The following PTPRG variants were observed in gnomAD, a reference collection of about 807,000 sequenced individuals.
PTPRG encodes the protein receptor-type tyrosine-protein phosphatase gamma.
PTPRG carries 102 observed loss-of-function variants against 165.3 expected under a neutral mutation model. That is an observed-to-expected ratio of 0.62 (90% CI 0.53 to 0.73). The LOEUF (loss-of-function observed/expected upper bound fraction) is 0.73. PTPRG is among the 30% of genes least tolerant of loss of function. PTPRG has a pLI of 0.00. For synonymous variants in PTPRG, 675 were observed against 669.5 expected, an observed-to-expected ratio of 1.01 and a Z score of -0.13; for missense variants, 1,866 against 1,861.4, an observed-to-expected ratio of 1.00 and a Z score of -0.05.
chr3:61,956,240 C>T (rs929873560), intron 2 of PTPRG, among the ~76,000 whole-genome samples: 6 of 151,770 alleles, frequency 4.0e-5, no homozygotes, highest in African/African-American at 1.5e-4. Flanking sequence ...ATATGTATGT[C>T]CCCATAACAG....
At chr3:62,034,619 G>C (rs1425571659) in intron 4 of PTPRG, among the ~76,000 whole-genome samples, 3 of 152,190 alleles carry the variant, frequency 2.0e-5, no homozygotes, top group Non-Finnish European at 2.9e-5. Context: ...ATTCTTACCA[G>C]CTGGTATACA....
intron 2 of PTPRG, among the ~76,000 whole-genome samples, chr3:61,940,978 G>T (rs1471930235): frequency 6.6e-6 from 1 of 152,118 alleles, no homozygotes; most frequent in Non-Finnish European, 1.5e-5. Context: ...TGGTCTGGTG[G>T]AAGGAGTTCT....
At chr3:61,637,935 C>T (rs1464430472) in intron 1 of PTPRG, among the ~76,000 whole-genome samples, 4 of 142,076 alleles carry the variant, frequency 2.8e-5, no homozygotes, top group South Asian at 2.2e-4. Flanking sequence ...GACTGGATCT[C>T]GTTAAGAGAA....
chr3:61,613,408 A>G (rs1224422789), intron 1 of PTPRG, among the ~76,000 whole-genome samples: 1 of 152,344 alleles, frequency 6.6e-6, no homozygotes, highest in East Asian at 1.9e-4. Context: ...TTTGAAGATG[A>G]ATTTCTCAGC....
At chr3:61,663,318 A>T (rs1340087706) in intron 1 of PTPRG, among the ~76,000 whole-genome samples, 2 of 152,338 alleles carry the variant, frequency 1.3e-5, no homozygotes, top group East Asian at 3.9e-4. Context: ...GTGTCACAGA[A>T]CGTGGAAGGT....
rs115370155 is a variant in PTPRG, at chr3:61,911,158, C to T, written c.191-78467C>T. ...AACCTCTATTTCCTTCTTTCAAACC[C>T]TTTCAATACTTATGAACTGATACTT... On this transcript the variant is annotated intron_variant, in intron 2 of 29. Coordinates refer to ENST00000474889, the MANE Select transcript of PTPRG (RefSeq NM_002841.4). Among the ~76,000 whole-genome samples the T allele has an allele frequency of 6.4e-3, 976 of 152,292 alleles. 8 individuals carry two copies. Among genetic ancestry groups the T allele is most frequent in the African/African-American group, 0.022 (918 of 41,558 alleles).
intron 7 of PTPRG, among the ~76,000 whole-genome samples, chr3:62,166,601 G>A (rs928059778): frequency 9.2e-5 from 14 of 152,120 alleles, no homozygotes; most frequent in Admixed American, 7.2e-4. Context: ...CTCCCAAAGC[G>A]GTGGGATTTC....
In PTPRG at chr3:61,562,583, G is replaced by A. The variant is rs371076875; in HGVS notation, c.85+211G>A. Among the ~76,000 whole-genome samples the A allele has an allele frequency of 9.2e-5, 14 of 152,132 alleles. 1 individual carries two copies. The highest frequency in any genetic ancestry group is 1.9e-4 in the African/African-American group (8 of 41,550). Reference sequence around the variant, plus strand: ...AGTGGTCGAGGAAGGTGGAGGCAGGGGCTGGCCGGGGAGGGGGCTGGGGGA... The same window carrying A: ...AGTGGTCGAGGAAGGTGGAGGCAGGAGCTGGCCGGGGAGGGGGCTGGGGGA... On this transcript the variant is annotated intron_variant, in intron 1 of 29. Transcript: ENST00000474889.
intron 2 of PTPRG, among the ~76,000 whole-genome samples, chr3:61,940,662 T>C (rs2039599523): frequency 1.1e-5 from 1 of 90,748 alleles, no homozygotes; most frequent in Non-Finnish European, 2.4e-5. Flanking sequence ...TATTTATTTA[T>C]TTATTTATTT....
intron 1 of PTPRG, among the ~76,000 whole-genome samples, chr3:61,569,121 A>G (rs1261776616): frequency 3.3e-5 from 5 of 152,168 alleles, no homozygotes; most frequent in African/African-American, 4.8e-5. Context: ...GAGAGTTGCC[A>G]TACTATTTTG....
intron 1 of PTPRG, among the ~76,000 whole-genome samples, chr3:61,732,123 T>C (rs1286090142): frequency 6.6e-6 from 1 of 152,170 alleles, no homozygotes; most frequent in Non-Finnish European, 1.5e-5. Flanking sequence ...ACTTTTAAAT[T>C]TTGTAGCAGC....
intron 3 of PTPRG, 53 bp downstream of exon 3, chr3:61,989,857 T>C: frequency 1.3e-6 from 2 of 1,584,136 alleles, no homozygotes; most frequent in Admixed American, 1.7e-5. Context: ...TATTTTTGGA[T>C]GTCTCTGGTG....
At chr3:61,907,322 A>T (rs1453921140) in intron 2 of PTPRG, among the ~76,000 whole-genome samples, 2 of 152,198 alleles carry the variant, frequency 1.3e-5, no homozygotes, top group Non-Finnish European at 2.9e-5. Context: ...ATCCAAAGGC[A>T]CATGGTCTCT....
At chr3:61,667,540 C>T (rs151062244) in intron 1 of PTPRG, among the ~76,000 whole-genome samples, 5 of 152,274 alleles carry the variant, frequency 3.3e-5, no homozygotes, top group African/African-American at 1.2e-4. Flanking sequence ...TCACTTGCTT[C>T]TCAGAACAGT....
intron 2 of PTPRG, among the ~76,000 whole-genome samples, chr3:61,871,645 A>C (rs1024242906): frequency 1.3e-5 from 2 of 152,088 alleles, no homozygotes; most frequent in Admixed American, 6.5e-5. Context: ...GAAAAGAGGA[A>C]AGTTTTGTTG....
intron 2 of PTPRG, among the ~76,000 whole-genome samples, chr3:61,909,683 A>G (rs2107537665): frequency 6.7e-6 from 1 of 149,952 alleles, no homozygotes; most frequent in African/African-American, 2.5e-5. Context: ...ATGGCATCTG[A>G]CCTCAACTGA....
intron 2 of PTPRG, among the ~76,000 whole-genome samples, chr3:61,884,485 T>C (rs1430823572): frequency 1.3e-5 from 2 of 152,184 alleles, no homozygotes; most frequent in African/African-American, 2.4e-5. Context: ...TTTGATAGAG[T>C]TGACCTGCCT....
At chr3:61,713,347 A>G (rs940018031) in intron 1 of PTPRG, among the ~76,000 whole-genome samples, 1 of 101,816 alleles carries the variant, frequency 9.8e-6, no homozygotes, top group Non-Finnish European at 2.1e-5. Context: ...TTTTTTTTGT[A>G]TTTTTAGTAG....
rs1229715914 is a variant in PTPRG at position 62,190,407 on chromosome 3, G to A, written c.1034-1062G>A. On this transcript the variant is annotated intron_variant, in intron 8 of 29. Coordinates refer to ENST00000474889, the MANE Select transcript of PTPRG (RefSeq NM_002841.4). This position sits in a 1 kb window ranked among gnomAD's most constrained non-coding sequence, Gnocchi z 5.2. ...CGGCCACACGGGTCTGGACACCCCT[G>A]AGAAAGCACACATTTCCGGCTGACT... Among the ~76,000 whole-genome samples, 1 of 152,200 alleles carries A rather than the reference G, an allele frequency of 6.6e-6. No individual in the cohort carries two copies. Among genetic ancestry groups the A allele is most frequent in the Non-Finnish European group, 1.5e-5 (1 of 68,044 alleles).
Sources: allele counts gnomAD v4.1 joint callset (sites outside exome capture counted in the v4.1 genomes callset), GRCh38; gene constraint gnomAD v4.1.1; non-coding constraint Gnocchi (gnomAD v3.1); transcripts MANE v1.5; gene names NCBI Gene and HGNC (gene_info 2026-07-23, HGNC 2026-07-21).